HERC3: variants seen among roughly 807,000 people sequenced by gnomAD.
HERC3 encodes probable E3 ubiquitin-protein ligase HERC3.
A neutral mutation model predicts 129.9 loss-of-function variants in HERC3; 58 were observed. The ratio of observed to expected loss-of-function variants is 0.45; its 90% CI spans 0.36 to 0.56. HERC3 has a LOEUF of 0.56. HERC3 is among the 20% of genes least tolerant of loss of function. The pLI is 0.00. For missense variants in HERC3, 835 were observed against 1,244.2 expected, an observed-to-expected ratio of 0.67 and a Z score of 4.95; for synonymous variants, 430 against 451.0, an observed-to-expected ratio of 0.95 and a Z score of 0.59.
At position 88,675,728 on chromosome 4, in the gene HERC3, A is replaced by T. The variant is rs547277198; in HGVS notation, c.1912-490A>T. On this transcript the variant is annotated intron_variant, in intron 16 of 25. Coordinates refer to ENST00000402738, the MANE Select transcript of HERC3 (RefSeq NM_014606.3). ...AGTGCTGAGTCAGTGACAGCTTACT[A>T]GATAAAGTTCTTTTTAGAAAGACCT... Among the ~76,000 whole-genome samples the T allele has an allele frequency of 9.2e-5, 14 of 151,756 alleles. No individual in the cohort carries two copies. In the East Asian group the frequency reaches 2.7e-3, roughly 29 times the overall value.
intron 20 of HERC3, among the ~76,000 whole-genome samples, chr4:88,680,741 C>A (rs1027119424): frequency 6.6e-6 from 1 of 152,158 alleles, no homozygotes; most frequent in African/African-American, 2.4e-5. Flanking sequence ...TAGGCACTAG[C>A]CACATGTGGT....
At chr4:88,550,281 C>T in the HERC3 span, among the ~76,000 whole-genome samples, 1 of 152,088 alleles carries the variant, frequency 6.6e-6, no homozygotes, top group Non-Finnish European at 1.5e-5. Context: ...AAGTTCTGGC[C>T]AGGGCAATTA....
chr4:88,542,716 G>A, the HERC3 span, among the ~76,000 whole-genome samples: 1 of 152,128 alleles, frequency 6.6e-6, no homozygotes, highest in African/African-American at 2.4e-5. Context: ...AAATCCAGCA[G>A]CACAGCAAAA....
At chr4:88,618,798 T>C (rs17014304) in intron 3 of HERC3, among the ~76,000 whole-genome samples, 7,094 of 152,330 alleles carry the variant, frequency 0.047, 213 homozygotes, top group Middle Eastern at 0.12. Flanking sequence ...CACGCTTTTG[T>C]TAAACCACTT....
Position 88,617,190 on chromosome 4 carries a change from A to G in HERC3, c.226+11141A>G, listed in dbSNP as rs985377226. 9.3e-5 allele frequency among the ~76,000 whole-genome samples: 14 copies of G among 150,962 alleles called. No homozygotes were observed. The South Asian group carries it at 1.3e-3, about 13-fold the overall frequency. On this transcript the variant is annotated intron_variant, in intron 3 of 25. Transcript: ENST00000402738. ...ACCCTGTCTCCAAAAAAAAAAAAAA[A>G]AAAAAAAAAAAGAAATTGAGAACCT...
At chr4:88,642,788 A>G (rs537097041) in intron 3 of HERC3, among the ~76,000 whole-genome samples, 121 of 152,244 alleles carry the variant, frequency 7.9e-4, no homozygotes, top group Non-Finnish European at 1.4e-3. Flanking sequence ...TGATTTCAGC[A>G]TATACGTTTT....
chr4:88,685,001 C>G (rs1490771794), intron 21 of HERC3: 1 of 152,260 alleles, frequency 6.6e-6, no homozygotes, highest in East Asian at 1.9e-4. Context: ...AAAAGCTCAT[C>G]ATCACTGGTC....
the HERC3 span, among the ~76,000 whole-genome samples, chr4:88,565,620 T>C: frequency 2.6e-5 from 4 of 152,184 alleles, no homozygotes; most frequent in Admixed American, 2.0e-4. Flanking sequence ...TGTGTCTTTA[T>C]AGGCAAAGTG....
chr4:88,638,711 A>G (rs574348292), intron 3 of HERC3, among the ~76,000 whole-genome samples: 1 of 152,190 alleles, frequency 6.6e-6, no homozygotes, highest in Non-Finnish European at 1.5e-5. Flanking sequence ...CACCACTCCT[A>G]TTTAACATAG....
Position 88,680,248 on chromosome 4 carries a change from G to T in HERC3, c.2340+12G>T, listed in dbSNP as rs1022740781. 3.8e-6 allele frequency: 6 copies of T among 1,586,302 alleles called. No individual in the cohort carries two copies. The African/African-American group carries it at 8.2e-5, about 22-fold the overall frequency. Reference sequence around the variant, plus strand: ...GGTTTTCAGACACGGTAAGTAAGTGGTGTCACAATTAAACAGATGGATTAA... The same window carrying T: ...GGTTTTCAGACACGGTAAGTAAGTGTTGTCACAATTAAACAGATGGATTAA... On this transcript the variant is annotated intron_variant, in intron 20 of 25. Coordinates refer to ENST00000402738, the MANE Select transcript of HERC3 (RefSeq NM_014606.3).
the HERC3 span, among the ~76,000 whole-genome samples, chr4:88,559,813 T>A: frequency 6.6e-6 from 1 of 152,196 alleles, no homozygotes; most frequent in African/African-American, 2.4e-5. Flanking sequence ...AGAAGAAGGA[T>A]TGCTGGGCCA....
chr4:88,667,795 G>T (rs533626704), intron 13 of HERC3, 97 bp from the exon 14 acceptor site: 1 of 885,376 alleles, frequency 1.1e-6, no homozygotes, highest in Non-Finnish European at 1.8e-6. Flanking sequence ...GTGAATGAAT[G>T]AGAGTTGAGA....
chr4:88,529,800 T>C, the HERC3 span, among the ~76,000 whole-genome samples: 1 of 152,220 alleles, frequency 6.6e-6, no homozygotes, highest in African/African-American at 2.4e-5. Context: ...GAAATATTGC[T>C]GAATTGTTCT....
chr4:88,591,342 A>C (rs1721693193), upstream of HERC3, among the ~76,000 whole-genome samples: 1 of 152,072 alleles, frequency 6.6e-6, no homozygotes, highest in Non-Finnish European at 1.5e-5. Context: ...AGGGCTCAAC[A>C]CTGTCAGTCA....
chr4:88,670,063 T>C, intron 15 of HERC3, 40 bp downstream of exon 15: 1 of 1,606,758 alleles, frequency 6.2e-7, no homozygotes, highest in Non-Finnish European at 8.5e-7. Flanking sequence ...GGTGATTAGA[T>C]GGTAGGGTAA....
At chr4:88,651,438 A>G (rs531011585) in intron 4 of HERC3, among the ~76,000 whole-genome samples, 16 of 152,314 alleles carry the variant, frequency 1.1e-4, no homozygotes, top group African/African-American at 3.8e-4. Flanking sequence ...AAGGTGAATG[A>G]CCTTGGGCAG....
chr4:88,579,989 A>G, the HERC3 span, among the ~76,000 whole-genome samples: 1 of 152,216 alleles, frequency 6.6e-6, no homozygotes, highest in South Asian at 2.1e-4. Context: ...TGTTAGCCCG[A>G]TAAGACTCAT....
chr4:88,536,907 A>G, the HERC3 span, among the ~76,000 whole-genome samples: 1 of 152,212 alleles, frequency 6.6e-6, no homozygotes, highest in Non-Finnish European at 1.5e-5. Flanking sequence ...CTGGGATTAT[A>G]TATTTTTAAA....
chr4:88,697,672 G>A (rs1309810264), intron 23 of HERC3: 5 of 1,612,720 alleles, frequency 3.1e-6, no homozygotes, highest in Admixed American at 1.7e-5. Context: ...ACCGCCTTCC[G>A]CCATTACCTC....
Sources: gnomAD v4.1 joint callset for allele counts (sites outside exome capture counted in the v4.1 genomes callset) on GRCh38, gnomAD v4.1.1 for gene constraint, MANE v1.5 for transcripts, NCBI Gene and HGNC (gene_info 2026-07-23, HGNC 2026-07-21) for gene names.